The following FSHR variants were observed in gnomAD, a reference collection of about 807,000 sequenced individuals.
FSHR encodes follicle stimulating hormone receptor, also known as follicle-stimulating hormone receptor.
In FSHR, 46 loss-of-function variants were observed where a neutral mutation model predicts 52.1. The observed-to-expected ratio is 0.88, with a 90% CI of 0.70 to 1.13. The LOEUF is 1.13. FSHR is among the 50% of genes most tolerant of loss of function. The pLI, the probability that FSHR is intolerant of heterozygous loss-of-function variation, is 0.00. For synonymous variants in FSHR, 399 were observed against 309.6 expected (o/e 1.29, Z -3.03); for missense variants, 964 against 834.6 (o/e 1.16, Z -1.91).
chr2:49,071,815 G>T (rs949073908), intron 1 of FSHR, among the ~76,000 whole-genome samples: 1 of 152,104 alleles, frequency 6.6e-6, no homozygotes, highest in Admixed American at 6.6e-5. Flanking sequence ...GATGAGGAAG[G>T]GAAGGGAGAT....
chr2:49,072,278 A>C (rs780345433), intron 1 of FSHR, among the ~76,000 whole-genome samples: 4 of 152,178 alleles, frequency 2.6e-5, no homozygotes, highest in Non-Finnish European at 4.4e-5. Context: ...TAAGTCATAC[A>C]TGGGTCAAAG....
intron 2 of FSHR, among the ~76,000 whole-genome samples, chr2:49,034,473 A>C (rs1668213580): frequency 6.6e-6 from 1 of 152,172 alleles, no homozygotes; most frequent in Non-Finnish European, 1.5e-5. Context: ...ATCTAGTTTT[A>C]GTTTTCCACT....
At chr2:49,097,422 T>A (rs928067604) in intron 1 of FSHR, among the ~76,000 whole-genome samples, 1 of 152,218 alleles carries the variant, frequency 6.6e-6, no homozygotes, top group African/African-American at 2.4e-5. Context: ...TTGGCTTTTG[T>A]ATTTTTCAGT....
At chr2:49,076,927 A>G (rs1175582747) in intron 1 of FSHR, among the ~76,000 whole-genome samples, 1 of 152,186 alleles carries the variant, frequency 6.6e-6, no homozygotes. Flanking sequence ...GGTGGGTTCC[A>G]TGATCTTGGG....
chr2:49,051,962 T>A (rs1490386410), intron 2 of FSHR, among the ~76,000 whole-genome samples: 1 of 152,166 alleles, frequency 6.6e-6, no homozygotes, highest in Non-Finnish European at 1.5e-5. Context: ...CTTTCCGTAT[T>A]GAATTCTAGA....
chr2:49,153,352 G>A (rs978182563), intron 1 of FSHR, among the ~76,000 whole-genome samples: 1 of 152,154 alleles, frequency 6.6e-6, no homozygotes, highest in Non-Finnish European at 1.5e-5. Context: ...GTTCTCAGGG[G>A]AAGCAGTAAC....
At chr2:49,055,531 CAAAAAAA>C (rs75665223) in intron 2 of FSHR, among the ~76,000 whole-genome samples, 1,396 of 51,216 alleles carry the variant, frequency 0.027, 31 homozygotes, top group African/African-American at 0.079. Context: ...CCAGGAAGCT[CAAAAAAA>C]AAAAAAAAAA....
chr2:49,020,895 A>C (rs1667671886), intron 2 of FSHR, among the ~76,000 whole-genome samples: 1 of 152,158 alleles, frequency 6.6e-6, no homozygotes, highest in South Asian at 2.1e-4. Flanking sequence ...CAATGAGAAC[A>C]CATGAACACA....
intron 2 of FSHR, among the ~76,000 whole-genome samples, chr2:49,062,542 A>T (rs1669353801): frequency 6.6e-6 from 1 of 152,028 alleles, no homozygotes; most frequent in African/African-American, 2.4e-5. Flanking sequence ...AAAGCACAGG[A>T]AATAAAAGGA....
chr2:48,984,927 G>T (rs1284057689), intron 6 of FSHR, among the ~76,000 whole-genome samples: 4 of 152,080 alleles, frequency 2.6e-5, no homozygotes, highest in African/African-American at 7.2e-5. Flanking sequence ...TGGGGAGGAG[G>T]ATGGTATTTC....
chr2:48,999,315 A>G (rs1035673131), intron 4 of FSHR, among the ~76,000 whole-genome samples: 1 of 152,046 alleles, frequency 6.6e-6, no homozygotes, highest in Non-Finnish European at 1.5e-5. Context: ...CTCATATTAG[A>G]GTTGAGGATG....
intron 3 of FSHR, among the ~76,000 whole-genome samples, chr2:49,018,502 T>C (rs1297654909): frequency 6.6e-6 from 1 of 152,228 alleles, no homozygotes; most frequent in Non-Finnish European, 1.5e-5. Flanking sequence ...AGCACCTCTT[T>C]ATGCAAGGAA....
intron 2 of FSHR, among the ~76,000 whole-genome samples, chr2:49,063,052 G>A (rs575520199): frequency 1.3e-5 from 2 of 152,202 alleles, no homozygotes; most frequent in East Asian, 1.9e-4. Flanking sequence ...TAAATGTAGA[G>A]CTTCCATATG....
intron 1 of FSHR, among the ~76,000 whole-genome samples, chr2:49,069,748 A>C (rs1443391219): frequency 6.6e-6 from 1 of 152,130 alleles, no homozygotes; most frequent in African/African-American, 2.4e-5. Flanking sequence ...TAAGAATATT[A>C]TTCTTTCCCC....
At chr2:49,042,441 A>G (rs572463381) in intron 2 of FSHR, among the ~76,000 whole-genome samples, 1 of 152,360 alleles carries the variant, frequency 6.6e-6, no homozygotes, top group Non-Finnish European at 1.5e-5. Flanking sequence ...GGGCAATGGG[A>G]TAAGTCTCAC....
intron 2 of FSHR, among the ~76,000 whole-genome samples, chr2:49,062,610 A>G (rs114511211): frequency 2.4e-3 from 372 of 152,196 alleles, no homozygotes; most frequent in African/African-American, 8.1e-3. Context: ...AAAGGAAACA[A>G]CCGAGTGAAG....
intron 8 of FSHR, among the ~76,000 whole-genome samples, chr2:48,969,878 G>A (rs148622782): frequency 6.6e-6 from 1 of 152,182 alleles, no homozygotes; most frequent in Non-Finnish European, 1.5e-5. Context: ...AGACCGGCTG[G>A]TGAGAACAAG....
chr2:49,023,864 G>A (rs1558396637), intron 2 of FSHR, among the ~76,000 whole-genome samples: 1 of 152,148 alleles, frequency 6.6e-6, no homozygotes, highest in Admixed American at 6.5e-5. Context: ...GGGTTATCAA[G>A]GCATTCTCTC....
At chr2:48,977,853 A>C (rs1055078359) in intron 8 of FSHR, among the ~76,000 whole-genome samples, 2 of 152,104 alleles carry the variant, frequency 1.3e-5, no homozygotes, top group Non-Finnish European at 2.9e-5. Flanking sequence ...TTGTGCCTGG[A>C]ACTGGTGGGC....
Sources: allele counts gnomAD v4.1 joint callset (sites outside exome capture counted in the v4.1 genomes callset), GRCh38; gene constraint gnomAD v4.1.1; transcripts MANE v1.5; gene names NCBI Gene and HGNC (gene_info 2026-07-23, HGNC 2026-07-21).